The following ZBTB7C variants were observed in gnomAD, a reference collection of about 807,000 sequenced individuals.
ZBTB7C encodes zinc finger and BTB domain containing 7C, also known as zinc finger and BTB domain-containing protein 7C.
A neutral mutation model predicts 25.7 loss-of-function variants in ZBTB7C; 8 were observed. The ratio of observed to expected loss-of-function variants is 0.31; its 90% CI spans 0.18 to 0.56. The LOEUF (loss-of-function observed/expected upper bound fraction) is 0.56. Ranked by LOEUF, ZBTB7C falls within the 20% of genes least tolerant of loss-of-function variation. ZBTB7C has a pLI of 0.91. For missense variants in ZBTB7C, 824 were observed against 855.2 expected (o/e 0.96, Z 0.46); for synonymous variants, 394 against 369.0 (o/e 1.07, Z -0.78).
chr18:48,250,744 A>C (rs112951798), intron 2 of ZBTB7C, among the ~76,000 whole-genome samples: 106 of 151,852 alleles, frequency 7.0e-4, no homozygotes, highest in African/African-American at 2.5e-3. Context: ...CACTCAGCTG[A>C]CTGTCAGTCA....
intron 3 of ZBTB7C, among the ~76,000 whole-genome samples, chr18:48,054,280 G>C (rs1191380260): frequency 1.3e-5 from 2 of 152,118 alleles, no homozygotes; most frequent in Non-Finnish European, 2.9e-5. Flanking sequence ...GGGAGGGAAG[G>C]GCGGCCGGAA....
intron 2 of ZBTB7C, among the ~76,000 whole-genome samples, chr18:48,319,468 G>C (rs982142296): frequency 6.6e-6 from 1 of 152,078 alleles, no homozygotes; most frequent in African/African-American, 2.4e-5. Flanking sequence ...TTGGCACTAT[G>C]GGGGGACGTA....
At chr18:48,307,601 G>A (rs1433697373) in intron 2 of ZBTB7C, among the ~76,000 whole-genome samples, 1 of 152,242 alleles carries the variant, frequency 6.6e-6, no homozygotes, top group Admixed American at 6.5e-5. Flanking sequence ...TGTAATTCCA[G>A]CACTTTGGGA....
At chr18:48,170,561 A>G (rs902530412) in intron 3 of ZBTB7C, among the ~76,000 whole-genome samples, 2 of 152,224 alleles carry the variant, frequency 1.3e-5, no homozygotes, top group African/African-American at 4.8e-5. Flanking sequence ...AGACATGTTC[A>G]GGAAGACATG....
chr18:48,164,524 C>T (rs897372417), intron 3 of ZBTB7C, among the ~76,000 whole-genome samples: 7 of 152,222 alleles, frequency 4.6e-5, no homozygotes, highest in African/African-American at 1.7e-4. Context: ...GTCTCCCTGT[C>T]TACCCATGGT....
intron 3 of ZBTB7C, among the ~76,000 whole-genome samples, chr18:48,082,481 A>G (rs1193797168): frequency 6.6e-6 from 1 of 152,178 alleles, no homozygotes; most frequent in Non-Finnish European, 1.5e-5. Flanking sequence ...GCTCAAAGCA[A>G]TGCTGGAACT....
intron 2 of ZBTB7C, among the ~76,000 whole-genome samples, chr18:48,196,010 G>A (rs1275502718): frequency 3.3e-5 from 5 of 152,210 alleles, no homozygotes; most frequent in African/African-American, 1.2e-4. Flanking sequence ...CTCAGCTGGT[G>A]GGAGCAGACA....
intron 1 of ZBTB7C, among the ~76,000 whole-genome samples, chr18:48,342,564 A>G (rs2037846472): frequency 1.3e-5 from 2 of 152,238 alleles, no homozygotes; most frequent in African/African-American, 2.4e-5. Context: ...AGTGTAATCA[A>G]TTCCCCACAA....
intron 3 of ZBTB7C, among the ~76,000 whole-genome samples, chr18:48,167,603 C>CAT (rs2041310304): frequency 1.5e-5 from 1 of 65,730 alleles, no homozygotes; most frequent in African/African-American, 4.1e-5. Context: ...TGTGTGCGCG[C>CAT]GTGCACACGC....
chr18:48,067,630 C>T (rs2037379219), intron 3 of ZBTB7C, among the ~76,000 whole-genome samples: 1 of 152,176 alleles, frequency 6.6e-6, no homozygotes, highest in Non-Finnish European at 1.5e-5. Flanking sequence ...ACCAACTCTC[C>T]CGTGGGTCTC....
intron 3 of ZBTB7C, among the ~76,000 whole-genome samples, chr18:48,180,111 CT>C (rs1268237797): frequency 1.2e-3 from 60 of 48,196 alleles, no homozygotes; most frequent in African/African-American, 6.0e-3. Flanking sequence ...TCCTTCCTTC[CT>C]TTCCTTCCTT....
intron 3 of ZBTB7C, among the ~76,000 whole-genome samples, chr18:48,135,723 C>G (rs1440056074): frequency 2.0e-5 from 3 of 152,148 alleles, no homozygotes; most frequent in African/African-American, 7.2e-5. Context: ...CCTGGCAGAG[C>G]CTTTACCACC....
In ZBTB7C at chr18:48,049,485, A is replaced by G. The variant is rs182141643; in HGVS notation, c.-16-8362T>C. The stretch of plus-strand genomic sequence containing the variant: ...TCCCAGGATGCCAGCAAGTAGGAAC[A>G]TGGTAGACACTGTATGAATGAGATT... On this transcript the variant is annotated intron_variant, in intron 3 of 4. Transcript: ENST00000590800. Among the ~76,000 whole-genome samples the G allele has an allele frequency of 1.1e-3, 162 of 152,312 alleles. 2 individuals carry two copies. Among genetic ancestry groups the G allele is most frequent in the Admixed American group, 9.6e-3 (147 of 15,304 alleles).
At chr18:48,225,822 G>T (rs1341154580) in intron 2 of ZBTB7C, among the ~76,000 whole-genome samples, 2 of 151,880 alleles carry the variant, frequency 1.3e-5, no homozygotes, top group African/African-American at 4.8e-5. Context: ...AGCTCACTGT[G>T]ACCTCCACCT....
chr18:48,292,482 C>T (rs1366258058), intron 2 of ZBTB7C, among the ~76,000 whole-genome samples: 1 of 152,110 alleles, frequency 6.6e-6, no homozygotes, highest in Non-Finnish European at 1.5e-5. Context: ...AGCACTGGAC[C>T]ACTAACTCCC....
chr18:48,078,153 A>G (rs761083748), intron 3 of ZBTB7C, among the ~76,000 whole-genome samples: 27 of 152,328 alleles, frequency 1.8e-4, no homozygotes, highest in Non-Finnish European at 3.4e-4. Context: ...CTTATCTCGC[A>G]TGATTCCAAA....
chr18:48,253,947 G>GC (rs1245715794), intron 2 of ZBTB7C, among the ~76,000 whole-genome samples: 4 of 152,090 alleles, frequency 2.6e-5, no homozygotes, highest in South Asian at 2.1e-4. Context: ...AAAATTGCTT[G>GC]TTTTTTAGAT....
At chr18:48,218,713 A>G (rs1427996728) in intron 2 of ZBTB7C, among the ~76,000 whole-genome samples, 2 of 152,100 alleles carry the variant, frequency 1.3e-5, no homozygotes, top group Non-Finnish European at 2.9e-5. Flanking sequence ...CCTCCCTTTC[A>G]TTCACCTCAA....
At chr18:48,257,874 A>C (rs1249824816) in intron 2 of ZBTB7C, among the ~76,000 whole-genome samples, 1 of 152,074 alleles carries the variant, frequency 6.6e-6, no homozygotes, top group East Asian at 1.9e-4. Context: ...AAAAAAACCT[A>C]TCAATAAATA....
Sources: gnomAD v4.1 joint callset for allele counts (sites outside exome capture counted in the v4.1 genomes callset) on GRCh38, gnomAD v4.1.1 for gene constraint, MANE v1.5 for transcripts, NCBI Gene and HGNC (gene_info 2026-07-23, HGNC 2026-07-21) for gene names.